HORMAD2: variants seen among roughly 807,000 people sequenced by gnomAD.
The protein encoded by HORMAD2 is HORMA domain-containing protein 2.
In HORMAD2, 45 loss-of-function variants were observed where a neutral mutation model predicts 38.8. The ratio of observed to expected loss-of-function variants is 1.16; its 90% CI spans 0.91 to 1.49. The LOEUF (loss-of-function observed/expected upper bound fraction) is 1.49, where lower values mean the gene tolerates loss of function less well. Among genes scored for constraint, HORMAD2 ranks in the 40% most tolerant of loss-of-function variants. HORMAD2 has a pLI of 0.00. For synonymous variants in HORMAD2, 126 were observed against 122.8 expected (o/e 1.03, Z -0.17); for missense variants, 338 against 367.0 (o/e 0.92, Z 0.65).
At chr22:30,190,571 GT>G in the HORMAD2 span, among the ~76,000 whole-genome samples, 2 of 152,212 alleles carry the variant, frequency 1.3e-5, no homozygotes, top group African/African-American at 2.4e-5. Flanking sequence ...CTCCAGTAAG[GT>G]TGAAGCACTC....
At chr22:30,150,966 T>A (rs1467154262) in intron 10 of HORMAD2, among the ~76,000 whole-genome samples, 1 of 152,220 alleles carries the variant, frequency 6.6e-6, no homozygotes, top group East Asian at 1.9e-4. Flanking sequence ...GGGGAGGGAA[T>A]CTGAAGATTC....
the HORMAD2 span, among the ~76,000 whole-genome samples, chr22:30,183,501 G>A: frequency 6.6e-6 from 1 of 152,208 alleles, no homozygotes; most frequent in Admixed American, 6.5e-5. Flanking sequence ...ACTTACTCCA[G>A]GCCAGACACT....
At chr22:30,091,174 G>C (rs1044086705) in intron 1 of HORMAD2, among the ~76,000 whole-genome samples, 24 of 151,462 alleles carry the variant, frequency 1.6e-4, no homozygotes, top group Admixed American at 1.4e-3. Flanking sequence ...TTTTTAAATG[G>C]CTGAATAATA....
At chr22:30,205,886 C>A in the HORMAD2 span, among the ~76,000 whole-genome samples, 1 of 152,116 alleles carries the variant, frequency 6.6e-6, no homozygotes, top group Non-Finnish European at 1.5e-5. Context: ...TACCCGAAAT[C>A]CCAAAGCAGG....
At chr22:30,083,244 G>A (rs777117593) in intron 1 of HORMAD2, among the ~76,000 whole-genome samples, 1 of 152,180 alleles carries the variant, frequency 6.6e-6, no homozygotes, top group Non-Finnish European at 1.5e-5. Flanking sequence ...TCCTGCCTGG[G>A]TAAACAGAGT....
At chr22:30,200,967 C>A in the HORMAD2 span, among the ~76,000 whole-genome samples, 3 of 152,088 alleles carry the variant, frequency 2.0e-5, no homozygotes, top group African/African-American at 7.2e-5. Context: ...CCAGGCTGAT[C>A]TCGAACTCCT....
intron 10 of HORMAD2, among the ~76,000 whole-genome samples, chr22:30,153,208 C>A (rs1345358315): frequency 6.6e-6 from 1 of 152,040 alleles, no homozygotes; most frequent in Non-Finnish European, 1.5e-5. Context: ...TTCTTACTGC[C>A]AAAACTCAAG....
At chr22:30,197,276 C>G in the HORMAD2 span, among the ~76,000 whole-genome samples, 106 of 152,008 alleles carry the variant, frequency 7.0e-4, no homozygotes, top group African/African-American at 2.5e-3. Context: ...AGCCCCATCT[C>G]TAAATCTTAT....
intron 10 of HORMAD2, among the ~76,000 whole-genome samples, chr22:30,172,836 C>T (rs976656864): frequency 4.0e-5 from 6 of 150,856 alleles, no homozygotes; most frequent in African/African-American, 1.2e-4. Context: ...TGCAGTGAGC[C>T]GAGGTTGCAC....
chr22:30,144,491 G>A (rs1223928625), intron 10 of HORMAD2, among the ~76,000 whole-genome samples: 2 of 152,154 alleles, frequency 1.3e-5, no homozygotes, highest in South Asian at 4.2e-4. Context: ...ACTGTCTTTG[G>A]AAAGAGATTA....
At chr22:30,101,034 A>G (rs1920939854) in intron 3 of HORMAD2, among the ~76,000 whole-genome samples, 1 of 152,234 alleles carries the variant, frequency 6.6e-6, no homozygotes, top group South Asian at 2.1e-4. Flanking sequence ...GCAATTCCTC[A>G]AGGATATAGA....
chr22:30,100,194 G>T (rs1367589859), intron 3 of HORMAD2, among the ~76,000 whole-genome samples: 2 of 152,108 alleles, frequency 1.3e-5, no homozygotes, highest in Admixed American at 6.6e-5. Flanking sequence ...ATGCTACAAG[G>T]CTACAGTAAC....
chr22:30,194,510 T>C, the HORMAD2 span, among the ~76,000 whole-genome samples: 2 of 152,148 alleles, frequency 1.3e-5, no homozygotes, highest in Non-Finnish European at 2.9e-5. Flanking sequence ...TATCTAACAA[T>C]GAGGGGTGAT....
intron 10 of HORMAD2, among the ~76,000 whole-genome samples, chr22:30,132,876 T>TA (rs1258998474): frequency 6.6e-6 from 1 of 152,184 alleles, no homozygotes; most frequent in African/African-American, 2.4e-5. Context: ...AGTATACTGA[T>TA]ATGTATTATA....
intron 10 of HORMAD2, chr22:30,137,309 TC>T: frequency 1.9e-6 from 1 of 522,320 alleles, no homozygotes; most frequent in Non-Finnish European, 3.7e-6. Flanking sequence ...ATTCCTTGAG[TC>T]CTGGCGATGA....
intron 3 of HORMAD2, among the ~76,000 whole-genome samples, chr22:30,102,067 CA>C (rs574394255): frequency 8.6e-4 from 123 of 142,374 alleles, no homozygotes; most frequent in Admixed American, 2.3e-3. Flanking sequence ...GACTCTGTCT[CA>C]AAAAAAAAAA....
Position 30,102,923 on chromosome 22 carries a change from C to G in HORMAD2, c.194-514C>G, listed in dbSNP as rs894726792. Among the ~76,000 whole-genome samples the G allele has an allele frequency of 2.0e-5, 3 of 152,130 alleles. No homozygotes were observed. The East Asian group carries it at 5.8e-4, about 29-fold the overall frequency. ...GGGATTACAGGTGTGAGCCACCACA[C>G]CCGGCCTAAACCCAAACTCTTAATA... On this transcript the variant is annotated intron_variant, in intron 3 of 10. Coordinates refer to ENST00000336726, the MANE Select transcript of HORMAD2 (RefSeq NM_152510.4).
intron 10 of HORMAD2, among the ~76,000 whole-genome samples, chr22:30,153,683 A>G (rs1924895025): frequency 6.6e-6 from 1 of 151,882 alleles, no homozygotes; most frequent in Non-Finnish European, 1.5e-5. Context: ...TATCACCACC[A>G]CTTTACTATT....
chr22:30,149,087 A>G (rs1207697004), intron 10 of HORMAD2, among the ~76,000 whole-genome samples: 2 of 152,254 alleles, frequency 1.3e-5, no homozygotes, highest in Non-Finnish European at 2.9e-5. Context: ...CGTGTATAAT[A>G]TAATTTGGGT....
Sources: allele counts gnomAD v4.1 joint callset (sites outside exome capture counted in the v4.1 genomes callset), GRCh38; gene constraint gnomAD v4.1.1; transcripts MANE v1.5; gene names NCBI Gene and HGNC (gene_info 2026-07-23, HGNC 2026-07-21).